KIAA0513: variants seen among roughly 807,000 people sequenced by gnomAD.
The protein encoded by KIAA0513 is uncharacterized protein KIAA0513.
A neutral mutation model predicts 56.5 loss-of-function variants in KIAA0513; 39 were observed. The ratio of observed to expected loss-of-function variants is 0.69; its 90% CI spans 0.53 to 0.90. KIAA0513 has a LOEUF of 0.90. KIAA0513 is among the 40% of genes least tolerant of loss of function. The probability of loss-of-function intolerance (pLI) is 0.00; values close to 1 mark genes in which losing one functional copy is unlikely to be tolerated. For missense variants in KIAA0513, 591 were observed against 535.2 expected (o/e 1.10, Z -1.03); for synonymous variants, 268 against 215.6 (o/e 1.24, Z -2.13).
chr16:85,077,359 C>T, intron 5 of KIAA0513, 66 bp from the exon 6 acceptor site: 3 of 1,483,986 alleles, frequency 2.0e-6, no homozygotes, highest in Non-Finnish European at 2.8e-6. Flanking sequence ...TCCCTCTGGG[C>T]CTCTGCAGTT....
rs2073854375 is a variant in KIAA0513, at chr16:85,090,225, C to G, written c.*1900C>G. 1 of 152,220 alleles carries G rather than the reference C, an allele frequency of 6.6e-6. No individual in the cohort carries two copies. 9.4% of individuals were successfully genotyped at this position (152,220 alleles called of 1,614,324 possible). On this transcript the variant is annotated 3_prime_UTR_variant, in exon 13 of 13. Coordinates refer to ENST00000683363, the MANE Select transcript of KIAA0513 (RefSeq NM_001388359.1). ...CACCTCCTGCAGCGTCCAGCCACGG[C>G]TCCAGGGCACTGCTCTCCTCCTTGC...
At chr16:85,058,740 T>C (rs1289457825) in intron 1 of KIAA0513, among the ~76,000 whole-genome samples, 1 of 152,186 alleles carries the variant, frequency 6.6e-6, no homozygotes, top group African/African-American at 2.4e-5. Context: ...TTACCTTTTA[T>C]AGATCTTGTT....
intron 1 of KIAA0513, among the ~76,000 whole-genome samples, chr16:85,060,890 A>G (rs527886305): frequency 1.3e-5 from 2 of 151,694 alleles, no homozygotes; most frequent in African/African-American, 4.8e-5. Context: ...CCAGTGGCTC[A>G]CACCTGTAAT....
chr16:85,029,174 A>C (rs1053157297), intron 1 of KIAA0513, among the ~76,000 whole-genome samples: 1 of 152,188 alleles, frequency 6.6e-6, no homozygotes, highest in Non-Finnish European at 1.5e-5. Flanking sequence ...ACAGGACGAA[A>C]GGCTATTGAA....
intron 1 of KIAA0513, among the ~76,000 whole-genome samples, chr16:85,030,329 C>A (rs528200787): frequency 1.3e-5 from 2 of 152,262 alleles, no homozygotes; most frequent in East Asian, 3.9e-4. Context: ...TTTTCCTTGT[C>A]CCCCACCCAA....
chr16:85,067,104 A>G lies in KIAA0513; in HGVS notation c.33A>G (p.Leu11=). The change falls in exon 2 of 13, where the codon CTA becomes CTG. Residue 11 remains leucine, a synonymous_variant. Transcript: ENST00000683363. ...CCCCAGAGGTCCCCGTGGGCTCGCT[A>G]ATCGACTTTGGGCCTGAGGCACCCA... The part of the protein sequence containing the change: METPEVPVGS[L]IDFGPEAPTS... The G allele has an allele frequency of 6.2e-7, 1 of 1,605,244 alleles. No individual in the cohort carries two copies. Among genetic ancestry groups the G allele is most frequent in the Non-Finnish European group, 8.5e-7 (1 of 1,174,576 alleles).
Position 85,089,462 on chromosome 16 carries a change from G to C in KIAA0513, c.*1137G>C, listed in dbSNP as rs557454320. 1 of 152,766 alleles carries C rather than the reference G, an allele frequency of 6.5e-6. No homozygotes were observed. Among genetic ancestry groups the C allele is most frequent in the African/African-American group, 2.4e-5 (1 of 41,572 alleles). 9.5% of individuals were successfully genotyped at this position (152,766 alleles called of 1,614,324 possible). A position where few individuals can be genotyped will look rare whatever the true frequency, so the allele number is the denominator to read the frequency against. On this transcript the variant is annotated 3_prime_UTR_variant, in exon 13 of 13. Coordinates refer to ENST00000683363, the MANE Select transcript of KIAA0513 (RefSeq NM_001388359.1). This position sits in a 1 kb window ranked among gnomAD's most constrained non-coding sequence, Gnocchi z 4.2. ...GGAACCACGGCCCTTCTCTTCTGTG[G>C]GTCTGTACCAGGTACTCCAGGCCAG...
At chr16:85,072,564 T>C (rs568589748) in intron 3 of KIAA0513, among the ~76,000 whole-genome samples, 1 of 152,030 alleles carries the variant, frequency 6.6e-6, no homozygotes, top group East Asian at 1.9e-4. Context: ...AGTTAGAAAA[T>C]GCAGATGAGC....
intron 10 of KIAA0513, among the ~76,000 whole-genome samples, chr16:85,084,775 C>G (rs936013442): frequency 1.3e-5 from 2 of 150,792 alleles, no homozygotes; most frequent in Admixed American, 1.4e-4. Context: ...GTTGGCCAGG[C>G]TGGTCTTGAA....
intron 2 of KIAA0513, among the ~76,000 whole-genome samples, chr16:85,069,057 G>A (rs1019418400): frequency 7.2e-5 from 11 of 152,032 alleles, no homozygotes; most frequent in African/African-American, 2.7e-4. Context: ...GAGAGACAGG[G>A]TCTTACTCTG....
At chr16:85,053,885 A>C (rs1322086773) in intron 1 of KIAA0513, among the ~76,000 whole-genome samples, 2 of 151,614 alleles carry the variant, frequency 1.3e-5, no homozygotes, top group Non-Finnish European at 2.9e-5. Flanking sequence ...CCAGCTACTC[A>C]GGAGGCTGAG....
chr16:85,086,760 G>T (rs542627001), intron 11 of KIAA0513, 36 bp downstream of exon 11: 5 of 1,566,236 alleles, frequency 3.2e-6, no homozygotes, highest in East Asian at 2.3e-5. Flanking sequence ...AGGGGAGAGG[G>T]GGGAGGGCCC....
intron 1 of KIAA0513, among the ~76,000 whole-genome samples, chr16:85,035,685 A>C (rs2073026173): frequency 6.6e-6 from 1 of 152,064 alleles, no homozygotes; most frequent in African/African-American, 2.4e-5. Flanking sequence ...TTTCTAGTAG[A>C]AATGGGATCT....
chr16:85,053,360 GC>G (rs2073281877), intron 1 of KIAA0513, among the ~76,000 whole-genome samples: 1 of 152,212 alleles, frequency 6.6e-6, no homozygotes, highest in Admixed American at 6.5e-5. Context: ...GCTGCAGCCT[GC>G]CAAAATCCTT....
At chr16:85,079,178 CTG>C (rs2073705607) in intron 8 of KIAA0513, 175 bp downstream of exon 8, 2 of 1,358,584 alleles carry the variant, frequency 1.5e-6, no homozygotes, top group South Asian at 2.9e-5. Context: ...TGTGGAGAAA[CTG>C]GAGCTCTCCT....
chr16:85,067,798 C>A (rs535782857), intron 2 of KIAA0513, among the ~76,000 whole-genome samples: 2 of 152,156 alleles, frequency 1.3e-5, no homozygotes, highest in East Asian at 1.9e-4. Context: ...TGTTTATTTT[C>A]TTTTCTTTTT....
At chr16:85,077,802 G>GC (rs962758111) in intron 6 of KIAA0513, among the ~76,000 whole-genome samples, 170 bp downstream of exon 6, 52 of 151,726 alleles carry the variant, frequency 3.4e-4, no homozygotes, top group South Asian at 8.3e-4. Flanking sequence ...GCAAAGCCAA[G>GC]CCCCCCCCAC....
At chr16:85,048,694 A>C (rs1451581010) in intron 1 of KIAA0513, among the ~76,000 whole-genome samples, 1 of 152,192 alleles carries the variant, frequency 6.6e-6, no homozygotes, top group East Asian at 1.9e-4. Context: ...CAGCGAGCCA[A>C]GGTTGTGCCA....
chr16:85,066,759 A>C (rs2144010489), intron 1 of KIAA0513, 141 bp from the exon 2 acceptor site: 1 of 327,974 alleles, frequency 3.0e-6, no homozygotes, highest in Admixed American at 4.6e-5. Context: ...TTGAACAGTA[A>C]AGCGGACAGT....
Sources: gnomAD v4.1 joint callset for allele counts (sites outside exome capture counted in the v4.1 genomes callset) on GRCh38, gnomAD v4.1.1 for gene constraint, Gnocchi (gnomAD v3.1) non-coding constraint, MANE v1.5 for transcripts, NCBI Gene and HGNC (gene_info 2026-07-23, HGNC 2026-07-21) for gene names.